The following FBL variants were observed in gnomAD, a reference collection of about 807,000 sequenced individuals.
FBL encodes the protein fibrillarin rRNA 2'-O-methyltransferase.
FBL carries 10 observed loss-of-function variants against 42.2 expected under a neutral mutation model. That is an observed-to-expected ratio of 0.24 (90% CI 0.15 to 0.40). The LOEUF is 0.40. Among genes scored for constraint, FBL ranks in the 10% least tolerant of loss-of-function variants. The pLI is 1.00. For missense variants in FBL, 351 were observed against 439.2 expected, an observed-to-expected ratio of 0.80 and a Z score of 1.79; for synonymous variants, 165 against 165.4, an observed-to-expected ratio of 1.00 and a Z score of 0.02.
Position 39,840,588 on chromosome 19 carries a change from C to T in FBL, c.181+29G>A. The T allele has an allele frequency of 1.9e-6, 3 of 1,612,882 alleles. No homozygotes were observed. Among genetic ancestry groups the T allele is most frequent in the African/African-American group, 1.3e-5 (1 of 75,020 alleles). ...CTCCCCACTCCCCACCTCAGGAAGG[C>T]CTCCTCTGTAACCCCTAGCCAATCT... On this transcript the variant is annotated intron_variant, in intron 2 of 8. Coordinates refer to ENST00000221801, the MANE Select transcript of FBL (RefSeq NM_001436.4). The surrounding 1 kb of genome is among the most constrained non-coding windows in gnomAD (Gnocchi z 4.5).
At chr19:39,845,864 C>T (rs1969253633) in intron 1 of FBL, among the ~76,000 whole-genome samples, 1 of 152,160 alleles carries the variant, frequency 6.6e-6, no homozygotes, top group Non-Finnish European at 1.5e-5. Flanking sequence ...CAAATGGGGG[C>T]TTCCCACACA....
At position 39,840,552 on chromosome 19, in the gene FBL, G is replaced by C. The variant is rs759891126; in HGVS notation, c.182-37C>G. 1.9e-6 allele frequency: 3 copies of C among 1,613,184 alleles called. No homozygotes were observed. Among genetic ancestry groups the C allele is most frequent in the South Asian group, 2.2e-5 (2 of 91,052 alleles). On this transcript the variant is annotated intron_variant, in intron 2 of 8. Transcript: ENST00000221801. The surrounding 1 kb of genome is among the most constrained non-coding windows in gnomAD (Gnocchi z 4.5). ...AGGTACAACAGGAGAGAAAGATCCT[G>C]AATCTCCGCCCTCCCCACTCCCCAC...
rs773276717 is a variant in FBL at position 39,840,639 on chromosome 19, G to A, written c.159C>T (p.Gly53=). The A allele has an allele frequency of 2.5e-5, 40 of 1,599,882 alleles. No homozygotes were observed. Among genetic ancestry groups the A allele is most frequent in the Admixed American group, 6.8e-5 (4 of 59,064 alleles). The change falls in exon 2 of 9, where the codon GGC becomes GGT. Residue 53 remains glycine, a synonymous_variant. Transcript: ENST00000221801. The surrounding 1 kb of genome is among the most constrained non-coding windows in gnomAD (Gnocchi z 4.5). ...RGRGGGGGGG[G]GGGGGRGGGG... ...TACCACCTCTTCCTCCTCCTCCACCGCCGCCGCCGCCTCCACCTCCTCCTC... is the reference window on the plus strand; with the variant it reads ...TACCACCTCTTCCTCCTCCTCCACCACCGCCGCCGCCTCCACCTCCTCCTC...
chr19:39,835,169 T>G (rs1233279824), intron 7 of FBL, among the ~76,000 whole-genome samples: 1 of 152,228 alleles, frequency 6.6e-6, no homozygotes, highest in Non-Finnish European at 1.5e-5. Flanking sequence ...AGACCTCCAA[T>G]CTTGGACTTT....
chr19:39,837,771 T>C lies in FBL; in HGVS notation c.622A>G (p.Thr208Ala). Residue 208 changes from threonine (T) to alanine (A), a missense_variant, in exon 6 of 9, where the codon ACC becomes GCC. Coordinates refer to ENST00000221801, the MANE Select transcript of FBL (RefSeq NM_001436.4). Reference protein sequence around the residue: ...RDLINLAKKRTNIIPVIEDAR... With the variant: ...RDLINLAKKRANIIPVIEDAR... Reference sequence around the variant, plus strand: ...TCCTCGATCACAGGAATGATGTTGGTCCTCTTCTTGGCCAAGTTAATGAGG... The same window carrying C: ...TCCTCGATCACAGGAATGATGTTGGCCCTCTTCTTGGCCAAGTTAATGAGG... 6.2e-7 allele frequency: 1 copy of C among 1,606,876 alleles called. No individual in the cohort carries two copies. Among genetic ancestry groups the C allele is most frequent in the Non-Finnish European group, 8.5e-7 (1 of 1,177,164 alleles).
At chr19:39,837,981 T>C (rs1470381222) in intron 5 of FBL, 138 bp from the exon 6 acceptor site, 1 of 628,052 alleles carries the variant, frequency 1.6e-6, no homozygotes, top group African/African-American at 1.9e-5. Context: ...ATTGCTATCA[T>C]GTCCATTTTT....
chr19:39,835,302 C>T (rs955551327), intron 7 of FBL, among the ~76,000 whole-genome samples: 7 of 152,108 alleles, frequency 4.6e-5, no homozygotes, highest in Non-Finnish European at 7.3e-5. Flanking sequence ...GGCTCAATCA[C>T]GAAATCAGGA....
At chr19:39,842,209 C>A (rs1194898414) in intron 1 of FBL, among the ~76,000 whole-genome samples, 1 of 152,068 alleles carries the variant, frequency 6.6e-6, no homozygotes, top group Non-Finnish European at 1.5e-5. Context: ...CCTCAGCCTC[C>A]CCAGTAGCTG....
Sources: gnomAD v4.1 joint callset for allele counts (sites outside exome capture counted in the v4.1 genomes callset) on GRCh38, gnomAD v4.1.1 for gene constraint, Gnocchi (gnomAD v3.1) non-coding constraint, MANE v1.5 for transcripts, NCBI Gene and HGNC (gene_info 2026-07-23, HGNC 2026-07-21) for gene names.